Variants in SLC22A13 observed in about 807,000 individuals in gnomAD.
SLC22A13 encodes the protein organic anion transporter 10.
In SLC22A13, 42 loss-of-function variants were observed where a neutral mutation model predicts 49.1. That is an observed-to-expected ratio of 0.85 (90% CI 0.67 to 1.11). The LOEUF (loss-of-function observed/expected upper bound fraction) is 1.11. Ranked by LOEUF, SLC22A13 falls within the 50% of genes least tolerant of loss-of-function variation. SLC22A13 has a pLI of 0.00. For synonymous variants in SLC22A13, 282 were observed against 293.1 expected, an observed-to-expected ratio of 0.96 and a Z score of 0.39; for missense variants, 694 against 712.8, an observed-to-expected ratio of 0.97 and a Z score of 0.30.
In SLC22A13 at chr3:38,277,549, A is replaced by C; in HGVS notation, c.*84A>C. The C allele has an allele frequency of 1.0e-6, 1 of 996,102 alleles. No homozygotes were observed. Among genetic ancestry groups the C allele is most frequent in the East Asian group, 2.5e-5 (1 of 40,468 alleles). The allele number at this position is 996,102 out of a possible 1,614,324, so 61.7% of individuals were successfully genotyped here. On this transcript the variant is annotated 3_prime_UTR_variant, in exon 10 of 10. Coordinates refer to ENST00000311856, the MANE Select transcript of SLC22A13 (RefSeq NM_004256.4). ...ATATGGCCAGGACCCACAGGGACAC[A>C]GGGCAAGACCAGCCTTGCTTATGGA...
chr3:38,278,634 G>C lies in SLC22A13; in HGVS notation c.*1169G>C, dbSNP rs1371578190. 6.6e-6 allele frequency among the ~76,000 whole-genome samples: 1 copy of C among 151,816 alleles called. No homozygotes were observed. The highest frequency in any genetic ancestry group is 1.9e-4 in the East Asian group (1 of 5,174). On this transcript the variant is annotated 3_prime_UTR_variant, in exon 10 of 10. Transcript: ENST00000311856. ...CAGGAATTTGAGACCAGCCTGGCTGGCATGGCAAAACCCTGTCTCTACTAA... is the reference window on the plus strand; with the variant it reads ...CAGGAATTTGAGACCAGCCTGGCTGCCATGGCAAAACCCTGTCTCTACTAA...
At chr3:38,277,157 A>C (rs1488618446) in intron 9 of SLC22A13, 30 bp downstream of exon 9, 2 of 1,516,050 alleles carry the variant, frequency 1.3e-6, no homozygotes, top group East Asian at 4.9e-5. Context: ...TGAAACCACG[A>C]CTTGGGTCTC....
chr3:38,274,958 T>C, intron 3 of SLC22A13, 31 bp from the exon 4 acceptor site: 1 of 1,609,320 alleles, frequency 6.2e-7, no homozygotes. Flanking sequence ...TGGCAGGGAT[T>C]AGCCCTGTCT....
Position 38,277,534 on chromosome 3 carries a change from G to C in SLC22A13, c.*69G>C. ...TAAACACCTCCTTGGATATGGCCAG[G>C]ACCCACAGGGACACAGGGCAAGACC... On this transcript the variant is annotated 3_prime_UTR_variant, in exon 10 of 10. Transcript: ENST00000311856. 1 of 1,158,556 alleles carries C rather than the reference G, an allele frequency of 8.6e-7. No homozygotes were observed. Among genetic ancestry groups the C allele is most frequent in the Admixed American group, 1.9e-5 (1 of 53,462 alleles). 71.8% of individuals were successfully genotyped at this position (1,158,556 alleles called of 1,614,324 possible). A position where few individuals can be genotyped will look rare whatever the true frequency, so the allele number is the denominator to read the frequency against.
In SLC22A13 at chr3:38,277,047, G is replaced by A. The variant is rs1294113634; in HGVS notation, c.1482G>A (p.Leu494=). Residue 494 remains leucine (L), a synonymous_variant, in exon 9 of 10, where the codon CTG becomes CTA. Coordinates refer to ENST00000311856, the MANE Select transcript of SLC22A13 (RefSeq NM_004256.4). ...GCAGCCTCCCCATCGTGGCCGGCCT[G>A]CTGTGCACCCTGCTGCCAGAGACGC... The part of the protein sequence containing the change: ...IYGSLPIVAG[L]LCTLLPETHG... 1 of 1,597,060 alleles carries A rather than the reference G, an allele frequency of 6.3e-7. No individual in the cohort carries two copies. The highest frequency in any genetic ancestry group is 8.5e-7 in the Non-Finnish European group (1 of 1,172,010).
Position 38,265,858 on chromosome 3 carries a change from T to C in SLC22A13, c.-3T>C, listed in dbSNP as rs1227365469. On this transcript the variant is annotated 5_prime_UTR_variant, in exon 1 of 10. Transcript: ENST00000311856. Reference sequence around the variant, plus strand: ...CAGGCTGAGGAGGTAGTGACTGGCATACATGGCTCAGTTTGTCCAGGTCCT... The same window carrying C: ...CAGGCTGAGGAGGTAGTGACTGGCACACATGGCTCAGTTTGTCCAGGTCCT... The C allele has an allele frequency of 1.2e-5, 20 of 1,613,880 alleles. No homozygotes were observed. The highest frequency in any genetic ancestry group is 1.7e-5 in the Non-Finnish European group (20 of 1,179,812).
rs868651903 is a variant in SLC22A13 at position 38,273,065 on chromosome 3, G to A, written c.379-1207G>A. Among the ~76,000 whole-genome samples, 12 of 152,296 alleles carry A rather than the reference G, an allele frequency of 7.9e-5. No homozygotes were observed. The South Asian group carries it at 1.7e-3, about 21-fold the overall frequency. On this transcript the variant is annotated intron_variant, in intron 1 of 9. Transcript: ENST00000311856. ...GTGTTTAGCAAGCACCCAGCACAGG[G>A]TAAGTGCTCAGTGGTTGCTGCTGGG...
chr3:38,270,464 G>A (rs1038026395), intron 1 of SLC22A13: 12 of 217,080 alleles, frequency 5.5e-5, no homozygotes, highest in Non-Finnish European at 1.2e-4. Context: ...TTGGATAGCG[G>A]TGAGTTATCA....
At position 38,274,387 on chromosome 3, in the gene SLC22A13, G is replaced by T. The variant is rs376229248; in HGVS notation, c.482+12G>T. On this transcript the variant is annotated intron_variant, in intron 2 of 9. Coordinates refer to ENST00000311856, the MANE Select transcript of SLC22A13 (RefSeq NM_004256.4). ...CCCCTCTGCGACCGGTAAGAACCTT[G>T]CCCTGCCCACTCCCTGCCTAGCAAG... is the stretch of plus-strand genomic sequence containing the variant. The T allele has an allele frequency of 4.3e-5, 69 of 1,607,952 alleles. No homozygotes were observed. The highest frequency in any genetic ancestry group is 5.3e-5 in the Non-Finnish European group (62 of 1,174,496).
At chr3:38,276,781 G>T in intron 8 of SLC22A13, 131 bp from the exon 9 acceptor site, 1 of 758,474 alleles carries the variant, frequency 1.3e-6, no homozygotes. Flanking sequence ...CAGGAACGCT[G>T]GCTGGGCTGG....
rs1703602469 is a variant in SLC22A13 at position 38,277,552 on chromosome 3, G to GCAAGA, written c.*89_*93dup. On this transcript the variant is annotated 3_prime_UTR_variant, in exon 10 of 10. Coordinates refer to ENST00000311856, the MANE Select transcript of SLC22A13 (RefSeq NM_004256.4). Reference sequence around the variant, plus strand: ...TGGCCAGGACCCACAGGGACACAGGGCAAGACCAGCCTTGCTTATGGAGGC... The same window carrying GCAAGA: ...TGGCCAGGACCCACAGGGACACAGGGCAAGACAAGACCAGCCTTGCTTATGGAGGC... 3.1e-6 allele frequency: 3 copies of GCAAGA among 964,126 alleles called. No individual in the cohort carries two copies. The highest frequency in any genetic ancestry group is 4.8e-6 in the Non-Finnish European group (3 of 624,498). The allele number at this position is 964,126 out of a possible 1,614,324, so 59.7% of individuals were successfully genotyped here.
chr3:38,268,638 A>G (rs2125862341), intron 1 of SLC22A13, among the ~76,000 whole-genome samples: 1 of 152,372 alleles, frequency 6.6e-6, no homozygotes, highest in South Asian at 2.1e-4. Flanking sequence ...TTTGAAAAAT[A>G]AATCAGCAAA....
At position 38,275,971 on chromosome 3, in the gene SLC22A13, C is replaced by A. The variant is rs1306395298; in HGVS notation, c.1112C>A (p.Ala371Asp). 6.2e-7 allele frequency: 1 copy of A among 1,614,234 alleles called. No individual in the cohort carries two copies. ...DVYLTQLIFG[A>D]VEVPARCSSI... ...TATCTGACGCAGCTCATCTTTGGAG[C>A]TGTTGAGGTGCCTGCCCGCTGTTCC... Residue 371 changes from alanine to aspartate, a missense_variant, in exon 7 of 10, where the codon GCT (alanine) becomes GAT (aspartate). Coordinates refer to ENST00000311856, the MANE Select transcript of SLC22A13 (RefSeq NM_004256.4).
rs1703592311 is a variant in SLC22A13 at position 38,276,991 on chromosome 3, T to C, written c.1426T>C (p.Tyr476His). ...ACCACTTGTGATCCTGCTGGGAGAG[T>C]ACCACGCTGCCCTCCCCATGCTCAT... is the stretch of plus-strand genomic sequence containing the variant. ...LTPLVILLGEYHAALPMLIYG... is the reference protein window; with the variant it reads ...LTPLVILLGEHHAALPMLIYG... The change falls in exon 9 of 10, where the codon TAC becomes CAC. Residue 476 changes from tyrosine (Y) to histidine (H), a missense_variant. Coordinates refer to ENST00000311856, the MANE Select transcript of SLC22A13 (RefSeq NM_004256.4). The C allele has an allele frequency of 1.2e-6, 2 of 1,612,442 alleles. No individual in the cohort carries two copies. The highest frequency in any genetic ancestry group is 2.2e-5 in the East Asian group (1 of 44,806).
At chr3:38,266,564 C>G (rs767522075) in intron 1 of SLC22A13, among the ~76,000 whole-genome samples, 38 of 152,162 alleles carry the variant, frequency 2.5e-4, no homozygotes, top group Admixed American at 2.4e-3. Context: ...GCCTTTCTCT[C>G]TACCCAGTGT....
chr3:38,274,486 C>G, intron 2 of SLC22A13, 111 bp downstream of exon 2: 1 of 1,448,670 alleles, frequency 6.9e-7, no homozygotes, highest in Admixed American at 1.7e-5. Context: ...CCCTCTTCCC[C>G]CTACCCTCAA....
At chr3:38,276,202 G>A (rs925795413) in intron 7 of SLC22A13, 85 bp from the exon 8 acceptor site, 22 of 1,492,426 alleles carry the variant, frequency 1.5e-5, no homozygotes, top group Non-Finnish European at 1.8e-5. Context: ...GCTTCCCGGG[G>A]GTTTGGGTAC....
intron 1 of SLC22A13, among the ~76,000 whole-genome samples, chr3:38,270,089 T>A (rs1703504552): frequency 6.6e-6 from 1 of 152,176 alleles, no homozygotes; most frequent in Non-Finnish European, 1.5e-5. Flanking sequence ...GGTGTATATG[T>A]GCCACATTTT....
chr3:38,278,387 T>C lies in SLC22A13; in HGVS notation c.*922T>C, dbSNP rs1265066008. 6.6e-6 allele frequency: 1 copy of C among 152,376 alleles called. No homozygotes were observed. The highest frequency in any genetic ancestry group is 2.4e-5 in the African/African-American group (1 of 41,444). 9.4% of individuals were successfully genotyped at this position (152,376 alleles called of 1,614,324 possible). ...ATCTTCTTGGGCTTCTCAGAGATCTTCTCAGGCCTTGGTATTGTTCCTTAG... is the reference window on the plus strand; with the variant it reads ...ATCTTCTTGGGCTTCTCAGAGATCTCCTCAGGCCTTGGTATTGTTCCTTAG... On this transcript the variant is annotated 3_prime_UTR_variant, in exon 10 of 10. Transcript: ENST00000311856.
Sources: gnomAD v4.1 joint callset for allele counts (sites outside exome capture counted in the v4.1 genomes callset) on GRCh38, gnomAD v4.1.1 for gene constraint, MANE v1.5 for transcripts, NCBI Gene and HGNC (gene_info 2026-07-23, HGNC 2026-07-21) for gene names.